Variants in DMBT1 observed in about 807,000 individuals in gnomAD.
DMBT1 encodes scavenger receptor cysteine-rich domain-containing protein DMBT1.
Under a neutral mutation model 252.9 loss-of-function variants are expected in DMBT1, and 198 were observed. The ratio of observed to expected loss-of-function variants is 0.78; its 90% confidence interval spans 0.70 to 0.88. The LOEUF is 0.88. Among genes scored for constraint, DMBT1 ranks in the 40% least tolerant of loss-of-function variants. The pLI is 0.00. For missense variants in DMBT1, 2,432 were observed against 2,404.7 expected (o/e 1.01, Z -0.24); for synonymous variants, 990 against 942.7 (o/e 1.05, Z -0.92).
intron 8 of DMBT1, among the ~76,000 whole-genome samples, chr10:122,578,102 C>T (rs1025454379): frequency 6.6e-6 from 1 of 152,202 alleles, no homozygotes; most frequent in South Asian, 2.1e-4. Context: ...CAGAAAGAAG[C>T]CTGCTGTTTA....
At chr10:122,575,527 G>A (rs1005380600) in intron 6 of DMBT1, among the ~76,000 whole-genome samples, 20 of 152,038 alleles carry the variant, frequency 1.3e-4, no homozygotes, top group African/African-American at 4.3e-4. Context: ...TTTTTTTGGG[G>A]GGGTGTGGTG....
Position 122,586,177 on chromosome 10 carries a change from A to C in DMBT1, c.1577A>C (p.Asn526Thr), listed in dbSNP as rs1016612460. The C allele has an allele frequency of 1.9e-6, 3 of 1,589,208 alleles. No individual in the cohort carries two copies. In the African/African-American group the frequency reaches 4.0e-5, roughly 21 times the overall value. Residue 526 changes from asparagine (N) to threonine (T), a missense_variant, in exon 16 of 56, where the codon AAT becomes ACT. Physicochemically the swap from Asn to Thr is moderately conservative, Grantham distance 65. Around this residue, in one of 3 missense-constraint regions of DMBT1, gnomAD observed 1,264 missense variants for 1,082.2 expected, o/e 1.17. Coordinates refer to ENST00000338354, the MANE Select transcript of DMBT1 (RefSeq NM_001377530.1). ...GTGTGTGATGACAGCTGGGACACCAATGATGCCAATGTGGTCTGCAGGCAG... is the reference window on the plus strand; with the variant it reads ...GTGTGTGATGACAGCTGGGACACCACTGATGCCAATGTGGTCTGCAGGCAG... ...GTVCDDSWDT[N>T]DANVVCRQLG... is the part of the protein sequence containing the mutation.
chr10:122,580,008 G>A (rs766851269), intron 10 of DMBT1, 107 bp downstream of exon 10: 24 of 1,558,028 alleles, frequency 1.5e-5, no homozygotes, highest in Non-Finnish European at 2.0e-5. Flanking sequence ...TGTTTTCTAT[G>A]TTTCTGAAGA....
chr10:122,578,600 G>T, intron 8 of DMBT1, 118 bp from the exon 9 acceptor site: 1 of 860,222 alleles, frequency 1.2e-6, no homozygotes, highest in South Asian at 1.5e-5. Flanking sequence ...GGGAGCAAGT[G>T]GCCAGACCTT....
rs1390592530 is a variant in DMBT1 at position 122,584,713 on chromosome 10, T to G, written c.1420+362T>G. On this transcript the variant is annotated intron_variant, in intron 14 of 55. Transcript: ENST00000338354. Reference sequence around the variant, plus strand: ...TTGCCAAAGTCTCCTCGGAAGCCAATGTCAGCTAAAGCCTTAAACATGGCT... The same window carrying G: ...TTGCCAAAGTCTCCTCGGAAGCCAAGGTCAGCTAAAGCCTTAAACATGGCT... Among the ~76,000 whole-genome samples, 3 of 149,140 alleles carry G rather than the reference T, an allele frequency of 2.0e-5. No homozygotes were observed. The East Asian group carries it at 6.2e-4, about 31-fold the overall frequency.
chr10:122,626,264 C>T (rs1212383347), intron 46 of DMBT1, among the ~76,000 whole-genome samples: 2 of 152,142 alleles, frequency 1.3e-5, no homozygotes, highest in Admixed American at 1.3e-4. Flanking sequence ...ATTTTTATTT[C>T]ACCATATGGC....
chr10:122,578,733 G>C lies in DMBT1; in HGVS notation c.653G>C (p.Arg218Thr). 1 of 1,609,438 alleles carries C rather than the reference G, an allele frequency of 6.2e-7. No homozygotes were observed. Among genetic ancestry groups the C allele is most frequent in the Non-Finnish European group, 8.5e-7 (1 of 1,177,716 alleles). ...STLRPESWPV[R>T]ISPPVPTEGS... ...CTGTTTACAGAAAGTTGGCCTGTCAGGATATCACCACCTGTACCCACAGAA... is the reference window on the plus strand; with the variant it reads ...CTGTTTACAGAAAGTTGGCCTGTCACGATATCACCACCTGTACCCACAGAA... Residue 218 changes from arginine (R) to threonine (T), a missense_variant, in exon 9 of 56, where the codon AGG (arginine) becomes ACG (threonine). Arg to Thr is a moderately conservative substitution (Grantham distance 71). Transcript: ENST00000338354.
At chr10:122,567,463 C>G (rs897910386) in intron 2 of DMBT1, among the ~76,000 whole-genome samples, 6 of 152,134 alleles carry the variant, frequency 3.9e-5, no homozygotes, top group Non-Finnish European at 8.8e-5. Context: ...TGGGGATACC[C>G]TGAAGATGGT....
chr10:122,619,898 C>A (rs925153854), intron 42 of DMBT1, among the ~76,000 whole-genome samples: 16 of 152,208 alleles, frequency 1.1e-4, no homozygotes, highest in Admixed American at 3.3e-4. Flanking sequence ...AAACTTGATA[C>A]CCCTTTGGGC....
intron 55 of DMBT1, among the ~76,000 whole-genome samples, chr10:122,642,575 C>T (rs998109669): frequency 6.6e-6 from 1 of 152,070 alleles, no homozygotes; most frequent in Non-Finnish European, 1.5e-5. Context: ...GGTTCGCAGG[C>T]CAGTGTGGAA....
intron 50 of DMBT1, among the ~76,000 whole-genome samples, chr10:122,632,605 A>G (rs1565986231): frequency 6.6e-6 from 1 of 151,606 alleles, no homozygotes; most frequent in Non-Finnish European, 1.5e-5. Flanking sequence ...TCCCCACTCC[A>G]TCTGGGGCAG....
intron 49 of DMBT1, among the ~76,000 whole-genome samples, chr10:122,631,618 A>G (rs1479170988): frequency 6.6e-6 from 1 of 152,172 alleles, no homozygotes; most frequent in East Asian, 1.9e-4. Context: ...ATGGTCAAGG[A>G]GAGAGTGATG....
Position 122,640,068 on chromosome 10 carries a change from A to G in DMBT1, c.6971A>G (p.Asn2324Ser), listed in dbSNP as rs1484301243. The G allele has an allele frequency of 1.9e-6, 3 of 1,613,774 alleles. No individual in the cohort carries two copies. ...GACAATGACACCATCGACTATTCCA[A>G]CTTCCTCACAGCAGCTGTCTCAGGT... ...QADNDTIDYSNFLTAAVSGGI... is the reference protein window; with the variant it reads ...QADNDTIDYSSFLTAAVSGGI... Residue 2324 changes from asparagine to serine, a missense_variant, in exon 55 of 56, where the codon AAC (asparagine) becomes AGC (serine). Asn to Ser is a conservative substitution (Grantham distance 46). Coordinates refer to ENST00000338354, the MANE Select transcript of DMBT1 (RefSeq NM_001377530.1).
At chr10:122,565,255 A>T (rs1222463441) in intron 1 of DMBT1, among the ~76,000 whole-genome samples, 3 of 152,246 alleles carry the variant, frequency 2.0e-5, no homozygotes, top group Non-Finnish European at 4.4e-5. Flanking sequence ...TGAATCTTGG[A>T]TTTATAAAAG....
chr10:122,626,068 T>G, intron 46 of DMBT1, 103 bp downstream of exon 46: 1 of 917,008 alleles, frequency 1.1e-6, no homozygotes, highest in South Asian at 1.3e-5. Flanking sequence ...CCTTCCTCAA[T>G]CTGCACATAG....
chr10:122,621,338 C>G lies in DMBT1; in HGVS notation c.5566C>G (p.His1856Asp). 1 of 1,613,842 alleles carries G rather than the reference C, an allele frequency of 6.2e-7. No homozygotes were observed. The highest frequency in any genetic ancestry group is 8.5e-7 in the Non-Finnish European group (1 of 1,179,756). Residue 1856 changes from histidine to aspartate, a missense_variant, in exon 44 of 56, where the codon CAC (histidine) becomes GAC (aspartate). Around this residue, in one of 3 missense-constraint regions of DMBT1, gnomAD observed 1,162 missense variants for 1,169.0 expected, o/e 0.99. Coordinates refer to ENST00000338354, the MANE Select transcript of DMBT1 (RefSeq NM_001377530.1). ...WSCPHKGWLTHNCGHHEDAGV... is the reference protein window; with the variant it reads ...WSCPHKGWLTDNCGHHEDAGV... ...CTGCCCCCACAAAGGCTGGCTCACC[C>G]ACAACTGTGGCCATCACGAAGACGC...
chr10:122,585,252 G>A lies in DMBT1; in HGVS notation c.1421-19G>A, dbSNP rs745764518. On this transcript the variant is annotated intron_variant, in intron 14 of 55. Transcript: ENST00000338354. ...ACCATCAACTTTAATTCTAGCCTTT[G>A]TCTCTGTTGCAATTACAGACACGTT... 6.3e-7 allele frequency: 1 copy of A among 1,585,544 alleles called. No individual in the cohort carries two copies. The highest frequency in any genetic ancestry group is 2.3e-5 in the East Asian group (1 of 42,656).
At chr10:122,574,651 A>G (rs1463312453) in intron 6 of DMBT1, among the ~76,000 whole-genome samples, 1 of 152,036 alleles carries the variant, frequency 6.6e-6, no homozygotes, top group Non-Finnish European at 1.5e-5. Flanking sequence ...AGATTCCCAC[A>G]TTTTCTTATT....
intron 1 of DMBT1, among the ~76,000 whole-genome samples, chr10:122,565,123 C>A (rs1230178107): frequency 6.6e-5 from 10 of 152,192 alleles, no homozygotes. Flanking sequence ...TTCTAGGCAA[C>A]TTCACCATTC....
Sources: allele counts gnomAD v4.1 joint callset (sites outside exome capture counted in the v4.1 genomes callset), GRCh38; gene constraint gnomAD v4.1.1; regional missense constraint gnomAD v4.1.1; transcripts MANE v1.5; gene names NCBI Gene and HGNC (gene_info 2026-07-23, HGNC 2026-07-21).